LAMA1: variants seen among roughly 807,000 people sequenced by gnomAD.
The protein encoded by LAMA1 is laminin subunit alpha-1.
LAMA1 carries 219 observed loss-of-function variants against 348.7 expected under a neutral mutation model. The observed-to-expected ratio is 0.63, with a 90% confidence interval of 0.56 to 0.70. The LOEUF is 0.70. Among genes scored for constraint, LAMA1 ranks in the 30% least tolerant of loss-of-function variants. The pLI is 0.00. For missense variants in LAMA1, 3,744 were observed against 3,888.0 expected, an observed-to-expected ratio of 0.96 and a Z score of 0.99; for synonymous variants, 1,487 against 1,491.0, an observed-to-expected ratio of 1.00 and a Z score of 0.06.
At chr18:6,958,389 A>T (rs2057590297) in intron 55 of LAMA1, 88 bp downstream of exon 55, 3 of 1,435,748 alleles carry the variant, frequency 2.1e-6, no homozygotes, top group Non-Finnish European at 2.9e-6. Context: ...TTCAATCTCA[A>T]ACAGTACAAT....
At position 7,040,254 on chromosome 18, in the gene LAMA1, G is replaced by GCT. The variant is rs2058014755; in HGVS notation, c.1262-19_1262-18insAG. ...CTGCTTCCCTAGAAAGACAACAATG[G>GCT]CAATGACCCAACATGAAGGCAAAAG... On this transcript the variant is annotated intron_variant, in intron 9 of 62. Transcript: ENST00000389658. The GCT allele has an allele frequency of 6.2e-7, 1 of 1,613,760 alleles. No homozygotes were observed. Among genetic ancestry groups the GCT allele is most frequent in the East Asian group, 2.2e-5 (1 of 44,862 alleles).
Position 6,980,557 on chromosome 18 carries a change from T to C in LAMA1, c.5971A>G (p.Asn1991Asp), listed in dbSNP as rs752112258. 5 of 1,612,990 alleles carry C rather than the reference T, an allele frequency of 3.1e-6. No individual in the cohort carries two copies. The highest frequency in any genetic ancestry group is 2.2e-5 in the East Asian group (1 of 44,872). The change falls in exon 42 of 63, where the codon AAT becomes GAT. Residue 1991 changes from asparagine to aspartate, a missense_variant. By Grantham distance (23) the Asn-to-Asp change is conservative. This residue lies in a region of LAMA1 where 1,983 missense variants were observed against 1,934.3 expected (regional missense o/e 1.03). Transcript: ENST00000389658. ...ENAVEITRQT[N>D]ESLLILRAIP... ...GCTCTAAGTATCAAGAGTGATTCATTGGTTTGCCTGGTAATTTCAACAGCA... is the reference window on the plus strand; with the variant it reads ...GCTCTAAGTATCAAGAGTGATTCATCGGTTTGCCTGGTAATTTCAACAGCA...
intron 3 of LAMA1, among the ~76,000 whole-genome samples, chr18:7,076,641 T>C (rs2058169414): frequency 6.7e-6 from 1 of 149,674 alleles, no homozygotes; most frequent in Non-Finnish European, 1.5e-5. Flanking sequence ...ATGCAACAAG[T>C]GGTCCTTACT....
chr18:6,971,385 C>T lies in LAMA1; in HGVS notation c.6899+472G>A, dbSNP rs143575597. 4.7e-4 allele frequency among the ~76,000 whole-genome samples: 72 copies of T among 152,064 alleles called. No homozygotes were observed. In the East Asian group the frequency reaches 0.011, roughly 24 times the overall value. Reference sequence around the variant, plus strand: ...TACTTAGCTGTAAAAACTGACCACACGTGAAAAAATTCTTATCCTTGGAGA... The same window carrying T: ...TACTTAGCTGTAAAAACTGACCACATGTGAAAAAATTCTTATCCTTGGAGA... On this transcript the variant is annotated intron_variant, in intron 48 of 62. Coordinates refer to ENST00000389658, the MANE Select transcript of LAMA1 (RefSeq NM_005559.4).
chr18:7,035,226 T>G (rs1031552404), intron 13 of LAMA1, among the ~76,000 whole-genome samples: 1 of 152,090 alleles, frequency 6.6e-6, no homozygotes, highest in Non-Finnish European at 1.5e-5. Flanking sequence ...TCCTCCTGAC[T>G]GAGCTGGATC....
chr18:6,996,865 C>G (rs1406312489), intron 33 of LAMA1, among the ~76,000 whole-genome samples: 1 of 152,054 alleles, frequency 6.6e-6, no homozygotes, highest in Non-Finnish European at 1.5e-5. Flanking sequence ...TTTCTTAACT[C>G]CTCACCCTTT....
chr18:6,958,097 T>C (rs763286875), intron 55 of LAMA1, among the ~76,000 whole-genome samples: 19 of 152,170 alleles, frequency 1.2e-4, no homozygotes, highest in Non-Finnish European at 2.2e-4. Context: ...ATTGATAACC[T>C]GAAGCTGCTA....
chr18:7,046,018 A>C (rs753504473), intron 6 of LAMA1, among the ~76,000 whole-genome samples: 7 of 151,974 alleles, frequency 4.6e-5, no homozygotes, highest in Non-Finnish European at 7.4e-5. Flanking sequence ...ACTGAACTGT[A>C]CACTTTCAAA....
chr18:6,980,756 T>C, intron 41 of LAMA1, 119 bp from the exon 42 acceptor site: 2 of 662,114 alleles, frequency 3.0e-6, no homozygotes, highest in Non-Finnish European at 5.4e-6. Flanking sequence ...AGATTCCCAA[T>C]ATTGACAGTT....
chr18:7,096,177 T>C (rs1405641316), intron 1 of LAMA1, among the ~76,000 whole-genome samples: 1 of 152,244 alleles, frequency 6.6e-6, no homozygotes, highest in East Asian at 1.9e-4. Context: ...CCTGGATAGT[T>C]AGCTGGTGGT....
rs1568059327 is a variant in LAMA1, at chr18:7,080,404, C to T, written c.115G>A (p.Ala39Thr). 1 of 1,614,238 alleles carries T rather than the reference C, an allele frequency of 6.2e-7. No individual in the cohort carries two copies. The highest frequency in any genetic ancestry group is 8.5e-7 in the Non-Finnish European group (1 of 1,180,046). The change falls in exon 2 of 63, where the codon GCC becomes ACC. Residue 39 changes from alanine to threonine, a missense_variant. By Grantham distance (58) the Ala-to-Thr change is moderately conservative. This residue lies in a region of LAMA1 where 1,529 missense variants were observed against 1,689.4 expected (regional missense o/e 0.91). Transcript: ENST00000389658. ...TCCGGCCCCTTCTCGCCACAGGTGGCATTGGTGCTGATGTGAGCATTGCTG... is the reference window on the plus strand; with the variant it reads ...TCCGGCCCCTTCTCGCCACAGGTGGTATTGGTGCTGATGTGAGCATTGCTG... ...LASNAHISTN[A>T]TCGEKGPEMF...
chr18:7,073,040 C>T (rs888873078), intron 3 of LAMA1, among the ~76,000 whole-genome samples: 3 of 152,154 alleles, frequency 2.0e-5, no homozygotes, highest in South Asian at 2.1e-4. Context: ...GCTCTAGGTG[C>T]TATAACCACA....
rs759696514 is a variant in LAMA1, at chr18:6,950,775, A to G, written c.8397+7T>C. The G allele has an allele frequency of 1.2e-6, 2 of 1,613,900 alleles. No homozygotes were observed. Among genetic ancestry groups the G allele is most frequent in the Non-Finnish European group, 1.7e-6 (2 of 1,179,902 alleles). On this transcript the variant is annotated splice_region_variant and intron_variant, in intron 58 of 62. Coordinates refer to ENST00000389658, the MANE Select transcript of LAMA1 (RefSeq NM_005559.4). ...AAGCAGCCACCACAAGCCTCCTGAG[A>G]TCGTACCGTGTGCCACTTGCCATCA...
chr18:7,009,670 C>T (rs1160744567), intron 26 of LAMA1, among the ~76,000 whole-genome samples: 2 of 152,208 alleles, frequency 1.3e-5, no homozygotes, highest in Non-Finnish European at 2.9e-5. Context: ...GTACCACTAT[C>T]TCTATGCAGG....
chr18:7,027,173 T>G (rs375781732), intron 16 of LAMA1, among the ~76,000 whole-genome samples: 1 of 152,092 alleles, frequency 6.6e-6, no homozygotes, highest in African/African-American at 2.4e-5. Context: ...CTGACAAAAC[T>G]GAGCAACAGG....
intron 57 of LAMA1, among the ~76,000 whole-genome samples, chr18:6,953,016 A>C (rs12970526): frequency 1.4e-5 from 1 of 73,194 alleles, no homozygotes; most frequent in South Asian, 7.5e-4. Context: ...GCCTGTGTCC[A>C]GTGGATCCAC....
chr18:6,987,995 T>G (rs915487244), intron 36 of LAMA1, among the ~76,000 whole-genome samples: 2 of 152,122 alleles, frequency 1.3e-5, no homozygotes, highest in Non-Finnish European at 2.9e-5. Context: ...GTGCCTGTAG[T>G]CCCAGCTACC....
chr18:7,052,138 C>G (rs1414948693), intron 3 of LAMA1, among the ~76,000 whole-genome samples: 1 of 152,154 alleles, frequency 6.6e-6, no homozygotes, highest in Non-Finnish European at 1.5e-5. Context: ...ACCTCGAATG[C>G]ATATTACTGG....
chr18:7,024,656 A>T (rs2057934356), intron 17 of LAMA1, among the ~76,000 whole-genome samples, 190 bp from the exon 18 acceptor site: 1 of 152,100 alleles, frequency 6.6e-6, no homozygotes, highest in Middle Eastern at 3.2e-3. Context: ...TCCTGGTCCC[A>T]TGATCCAGGC....
Sources: gnomAD v4.1 joint callset for allele counts (sites outside exome capture counted in the v4.1 genomes callset) on GRCh38, gnomAD v4.1.1 for gene constraint, gnomAD v4.1.1 regional missense constraint, MANE v1.5 for transcripts, NCBI Gene and HGNC (gene_info 2026-07-23, HGNC 2026-07-21) for gene names.